Variants in TOX4 observed in about 807,000 individuals in gnomAD.
TOX4 encodes epidermal Langerhans cell protein LCP1.
TOX4 carries 12 observed loss-of-function variants against 61.0 expected under a neutral mutation model. The observed-to-expected ratio is 0.20, with a 90% confidence interval of 0.13 to 0.32. The LOEUF (loss-of-function observed/expected upper bound fraction) is 0.32. Among genes scored for constraint, TOX4 ranks in the 10% least tolerant of loss-of-function variants. The pLI, the probability that TOX4 is intolerant of heterozygous loss-of-function variation, is 1.00. For synonymous variants in TOX4, 268 were observed against 274.8 expected (o/e 0.98, Z 0.24); for missense variants, 499 against 753.3 (o/e 0.66, Z 3.95).
Position 21,498,435 on chromosome 14 carries a change from A to C in TOX4, c.*1829A>C. On this transcript the variant is annotated 3_prime_UTR_variant, in exon 9 of 9. Coordinates refer to ENST00000448790, the MANE Select transcript of TOX4 (RefSeq NM_014828.4). ...AATTAGAGGGTTTAATATTGTTAAAAAATGCATACCAAATGAAGACTGCCT... is the reference window on the plus strand; with the variant it reads ...AATTAGAGGGTTTAATATTGTTAAACAATGCATACCAAATGAAGACTGCCT... 6.7e-7 allele frequency: 1 copy of C among 1,483,410 alleles called. No homozygotes were observed. Among genetic ancestry groups the C allele is most frequent in the Non-Finnish European group, 9.3e-7 (1 of 1,071,120 alleles). 91.9% of individuals were successfully genotyped at this position (1,483,410 alleles called of 1,614,324 possible). A position where few individuals can be genotyped will look rare whatever the true frequency, so the allele number is the denominator to read the frequency against.
In TOX4 at chr14:21,496,634, A is replaced by T; in HGVS notation, c.*28A>T. Reference sequence around the variant, plus strand: ...CTTCCTGTTCTCCAAGCCAGTGAAGAGTTATCTGCTGGGAAAGTGTCCAAG... The same window carrying T: ...CTTCCTGTTCTCCAAGCCAGTGAAGTGTTATCTGCTGGGAAAGTGTCCAAG... On this transcript the variant is annotated 3_prime_UTR_variant, in exon 9 of 9. Transcript: ENST00000448790. The T allele has an allele frequency of 6.3e-7, 1 of 1,598,986 alleles. No individual in the cohort carries two copies. Among genetic ancestry groups the T allele is most frequent in the Non-Finnish European group, 8.6e-7 (1 of 1,168,510 alleles).
chr14:21,493,745 GT>G (rs1471218823), intron 7 of TOX4, among the ~76,000 whole-genome samples: 1 of 150,844 alleles, frequency 6.6e-6, no homozygotes, highest in Non-Finnish European at 1.5e-5. Context: ...GCCCTGTTTT[GT>G]TTTGTTTTGT....
chr14:21,478,546 G>GAT (rs1891049357), intron 2 of TOX4, among the ~76,000 whole-genome samples: 1 of 152,212 alleles, frequency 6.6e-6, no homozygotes, highest in Non-Finnish European at 1.5e-5. Context: ...TCATAATATA[G>GAT]ATATGTATCA....
chr14:21,487,505 T>G lies in TOX4; in HGVS notation c.130T>G (p.Leu44Val). ...GGAATTTGAAATCCCACCTATCTCCTTGGATTCTGATCCCTCATTGGCTGT... is the reference window on the plus strand; with the variant it reads ...GGAATTTGAAATCCCACCTATCTCCGTGGATTCTGATCCCTCATTGGCTGT... The part of the protein sequence containing the change: ...DEEFEIPPIS[L>V]DSDPSLAVSD... The change falls in exon 3 of 9, where the codon TTG (leucine) becomes GTG (valine). Residue 44 changes from leucine to valine, a missense_variant. By Grantham distance (32) the Leu-to-Val change is conservative. This residue lies in a region of TOX4 where 11 missense variants were observed against 38.8 expected (regional missense o/e 0.28). Transcript: ENST00000448790. 1 of 1,614,060 alleles carries G rather than the reference T, an allele frequency of 6.2e-7. No homozygotes were observed. The highest frequency in any genetic ancestry group is 8.5e-7 in the Non-Finnish European group (1 of 1,179,950).
At chr14:21,493,328 G>C in intron 7 of TOX4, 71 bp downstream of exon 7, 21 of 1,500,414 alleles carry the variant, frequency 1.4e-5, no homozygotes, top group Non-Finnish European at 1.9e-5. Context: ...CCCAATAACA[G>C]TGGGGGTTGC....
At chr14:21,496,469 A>G (rs1384477414) in intron 8 of TOX4, 77 bp from the exon 9 acceptor site, 1 of 1,440,002 alleles carries the variant, frequency 6.9e-7, no homozygotes, top group Non-Finnish European at 9.7e-7. Context: ...CCGTCTCAAA[A>G]AAAAAAATGT....
intron 3 of TOX4, chr14:21,487,899 CAAT>C: frequency 1.8e-6 from 1 of 541,492 alleles, no homozygotes; most frequent in African/African-American, 2.0e-5. Flanking sequence ...TAAAATTGTA[CAAT>C]GTCTGGTTTG....
rs1218274087 is a variant in TOX4 at position 21,498,419 on chromosome 14, G to A, written c.*1813G>A. 2 of 1,555,678 alleles carry A rather than the reference G, an allele frequency of 1.3e-6. No individual in the cohort carries two copies. Among genetic ancestry groups the A allele is most frequent in the South Asian group, 1.1e-5 (1 of 87,608 alleles). On this transcript the variant is annotated 3_prime_UTR_variant, in exon 9 of 9. Coordinates refer to ENST00000448790, the MANE Select transcript of TOX4 (RefSeq NM_014828.4). The stretch of plus-strand genomic sequence containing the variant: ...AAACCAGAAATCCTGGAATTAGAGG[G>A]TTTAATATTGTTAAAAAATGCATAC...
chr14:21,483,088 C>G (rs547766045), intron 2 of TOX4, among the ~76,000 whole-genome samples: 10 of 152,200 alleles, frequency 6.6e-5, no homozygotes, highest in African/African-American at 2.4e-4. Context: ...TTTTATGTAG[C>G]CATGTCTAAT....
chr14:21,495,559 T>C, intron 8 of TOX4, 167 bp downstream of exon 8: 2 of 694,978 alleles, frequency 2.9e-6, no homozygotes, highest in Non-Finnish European at 4.5e-6. Flanking sequence ...AGCTTACATT[T>C]GCCACATAAG....
intron 2 of TOX4, among the ~76,000 whole-genome samples, chr14:21,484,892 C>T (rs557701979): frequency 1.9e-5 from 2 of 106,258 alleles, no homozygotes; most frequent in African/African-American, 7.1e-5. Context: ...CTCCTGGCCT[C>T]GTGTGATCCG....
intron 2 of TOX4, 57 bp downstream of exon 2, chr14:21,477,621 G>A: frequency 6.3e-7 from 1 of 1,591,560 alleles, no homozygotes; most frequent in Non-Finnish European, 8.6e-7. Flanking sequence ...GTGGGGTAGG[G>A]TAGTGGGGAG....
rs1293482796 is a variant in TOX4 at position 21,492,875 on chromosome 14, C to G, written c.1259C>G (p.Thr420Ser). 6.2e-7 allele frequency: 1 copy of G among 1,612,678 alleles called. No homozygotes were observed. The highest frequency in any genetic ancestry group is 1.1e-5 in the South Asian group (1 of 90,906). Reference sequence around the variant, plus strand: ...CCCAGTCAACAAGCCCAGATTGTCACTCGGTCAGTGTTGCAGGCAGCAGCA... The same window carrying G: ...CCCAGTCAACAAGCCCAGATTGTCAGTCGGTCAGTGTTGCAGGCAGCAGCA... ...IQPSQQAQIV[T>S]RSVLQAAAAA... Residue 420 changes from threonine (T) to serine (S), a missense_variant, in exon 7 of 9, where the codon ACT becomes AGT. Physicochemically the swap from Thr to Ser is moderately conservative, Grantham distance 58. Coordinates refer to ENST00000448790, the MANE Select transcript of TOX4 (RefSeq NM_014828.4).
chr14:21,493,810 G>A (rs1261161573), intron 7 of TOX4, among the ~76,000 whole-genome samples: 1 of 150,840 alleles, frequency 6.6e-6, no homozygotes, highest in Admixed American at 6.6e-5. Flanking sequence ...GAGTGCAGTG[G>A]TGTAATCTTG....
At chr14:21,492,406 A>G in intron 6 of TOX4, 30 bp downstream of exon 6, 1 of 1,611,844 alleles carries the variant, frequency 6.2e-7, no homozygotes. Context: ...ATGAATATTT[A>G]AACCAGTAAG....
At chr14:21,488,990 A>G in intron 4 of TOX4, 140 bp downstream of exon 4, 1 of 1,321,648 alleles carries the variant, frequency 7.6e-7, no homozygotes, top group Non-Finnish European at 1.0e-6. Context: ...CCACCTCCCA[A>G]TTTCCAGTTT....
intron 2 of TOX4, among the ~76,000 whole-genome samples, chr14:21,481,798 A>G (rs61973219): frequency 0.22 from 32,964 of 152,212 alleles, 4,329 homozygotes; most frequent in Middle Eastern, 0.33. Context: ...TATTTTGTTG[A>G]GTAGAAAAAG....
Position 21,498,955 on chromosome 14 carries a change from TCTA to T in TOX4, c.*2353_*2355del, listed in dbSNP as rs1334395525. 15 of 1,032,632 alleles carry T rather than the reference TCTA, an allele frequency of 1.5e-5. No individual in the cohort carries two copies. The highest frequency in any genetic ancestry group is 2.1e-5 in the Non-Finnish European group (14 of 657,520). 64.0% of individuals were successfully genotyped at this position (1,032,632 alleles called of 1,614,324 possible). ...GGACTAGTGTAAAACAATGTGAAGC[TCTA>T]CTAAGTTCTGTCCTTAATCATAAAT... On this transcript the variant is annotated 3_prime_UTR_variant, in exon 9 of 9. Coordinates refer to ENST00000448790, the MANE Select transcript of TOX4 (RefSeq NM_014828.4).
Position 21,498,467 on chromosome 14 carries a change from A to C in TOX4, c.*1861A>C. ...TACCAAATGAAGACTGCCTATCATC[A>C]TATCAAATATGCCAATTCTAAAAAG... On this transcript the variant is annotated 3_prime_UTR_variant, in exon 9 of 9. Coordinates refer to ENST00000448790, the MANE Select transcript of TOX4 (RefSeq NM_014828.4). 1 of 1,095,834 alleles carries C rather than the reference A, an allele frequency of 9.1e-7. No homozygotes were observed. Among genetic ancestry groups the C allele is most frequent in the South Asian group, 1.4e-5 (1 of 72,142 alleles). The allele number at this position is 1,095,834 out of a possible 1,614,324, so 67.9% of individuals were successfully genotyped here. A position where few individuals can be genotyped will look rare whatever the true frequency, so the allele number is the denominator to read the frequency against.
Sources: gnomAD v4.1 joint callset for allele counts (sites outside exome capture counted in the v4.1 genomes callset) on GRCh38, gnomAD v4.1.1 for gene constraint, gnomAD v4.1.1 regional missense constraint, MANE v1.5 for transcripts, NCBI Gene and HGNC (gene_info 2026-07-23, HGNC 2026-07-21) for gene names.